Variants in TBPL1 observed in about 807,000 individuals in gnomAD.
TBPL1 encodes the protein TATA-box binding protein like 1.
Under a neutral mutation model 22.1 loss-of-function variants are expected in TBPL1, and 4 were observed. That is an observed-to-expected ratio of 0.18 (90% confidence interval 0.09 to 0.41). The LOEUF is 0.41. TBPL1 is among the 10% of genes least tolerant of loss of function. The probability of loss-of-function intolerance (pLI) is 1.00; values close to 1 mark genes in which losing one functional copy is unlikely to be tolerated. For synonymous variants in TBPL1, 64 were observed against 71.0 expected, an observed-to-expected ratio of 0.90 and a Z score of 0.50; for missense variants, 115 against 222.3, an observed-to-expected ratio of 0.52 and a Z score of 3.07.
intron 1 of TBPL1, among the ~76,000 whole-genome samples, chr6:133,978,695 G>C (rs1379417033): frequency 6.6e-6 from 1 of 152,176 alleles, no homozygotes; most frequent in African/African-American, 2.4e-5. Context: ...TTGATACACA[G>C]AATTGAATGC....
intron 1 of TBPL1, among the ~76,000 whole-genome samples, chr6:133,979,054 A>G (rs532971555): frequency 1.3e-4 from 20 of 152,322 alleles, no homozygotes; most frequent in African/African-American, 4.1e-4. Flanking sequence ...GTTTGTTTGT[A>G]TAAATCATAG....
chr6:133,965,906 T>G (rs1240826956), intron 1 of TBPL1, among the ~76,000 whole-genome samples: 1 of 152,210 alleles, frequency 6.6e-6, no homozygotes, highest in African/African-American at 2.4e-5. Context: ...TTATATGAAA[T>G]TTAATTTTCA....
chr6:133,971,145 A>G (rs1468016053), intron 1 of TBPL1, among the ~76,000 whole-genome samples: 1 of 147,230 alleles, frequency 6.8e-6, no homozygotes. Context: ...CGATGATAAC[A>G]CTTTTTTTTT....
chr6:133,968,607 A>AACT (rs1776163766), intron 1 of TBPL1, among the ~76,000 whole-genome samples: 1 of 152,228 alleles, frequency 6.6e-6, no homozygotes, highest in Admixed American at 6.5e-5. Context: ...AGCAGTTCAG[A>AACT]ACTAGTCCAC....
intron 2 of TBPL1, among the ~76,000 whole-genome samples, chr6:133,980,505 T>C (rs1776390056): frequency 6.6e-6 from 1 of 152,254 alleles, no homozygotes; most frequent in South Asian, 2.1e-4. Context: ...TTTATTGCTC[T>C]CTCAATTTAT....
chr6:133,989,342 G>A lies in TBPL1; in HGVS notation c.*2302G>A, dbSNP rs1285912630. The A allele has an allele frequency of 6.6e-6, 1 of 152,050 alleles. No individual in the cohort carries two copies. Among genetic ancestry groups the A allele is most frequent in the African/African-American group, 2.4e-5 (1 of 41,400 alleles). 9.4% of individuals were successfully genotyped at this position (152,050 alleles called of 1,614,324 possible). A position where few individuals can be genotyped will look rare whatever the true frequency, so the allele number is the denominator to read the frequency against. On this transcript the variant is annotated 3_prime_UTR_variant, in exon 7 of 7. Coordinates refer to ENST00000237264, the MANE Select transcript of TBPL1 (RefSeq NM_004865.4). Reference sequence around the variant, plus strand: ...CAAAATTGTTTAGTTACAGACTCAGGATAATAAAAGAAAAATATAAAAGAA... The same window carrying A: ...CAAAATTGTTTAGTTACAGACTCAGAATAATAAAAGAAAAATATAAAAGAA...
At chr6:133,964,555 A>G (rs935425495) in intron 1 of TBPL1, among the ~76,000 whole-genome samples, 1 of 149,570 alleles carries the variant, frequency 6.7e-6, no homozygotes, top group Non-Finnish European at 1.5e-5. Context: ...GGTTCACGCC[A>G]TTCTCCTGCC....
At chr6:133,981,828 G>A (rs532579324) in intron 2 of TBPL1, among the ~76,000 whole-genome samples, 1 of 152,326 alleles carries the variant, frequency 6.6e-6, no homozygotes, top group East Asian at 1.9e-4. Flanking sequence ...AAGTTGGAAT[G>A]AAAATTTAAA....
chr6:133,982,872 G>C lies in TBPL1; in HGVS notation c.274G>C (p.Gly92Arg). The change falls in exon 4 of 7, where the codon GGT becomes CGT. Residue 92 changes from glycine (G) to arginine (R), a missense_variant. By Grantham distance (125) the Gly-to-Arg change is moderately radical. Coordinates refer to ENST00000237264, the MANE Select transcript of TBPL1 (RefSeq NM_004865.4). Reference sequence around the variant, plus strand: ...CTTAGCCCGTAGTCTGCAGAAACTAGGTTTTCAGGTAACGTTTTCAAATAG... The same window carrying C: ...CTTAGCCCGTAGTCTGCAGAAACTACGTTTTCAGGTAACGTTTTCAAATAG... ...RRLARSLQKL[G>R]FQVIFTDFKV... The C allele has an allele frequency of 6.2e-7, 1 of 1,606,626 alleles. No individual in the cohort carries two copies.
chr6:133,963,758 C>T (rs867285177), intron 1 of TBPL1, among the ~76,000 whole-genome samples: 6 of 150,836 alleles, frequency 4.0e-5, no homozygotes, highest in Admixed American at 1.3e-4. Flanking sequence ...CGGCCTGGCG[C>T]GGTGGCTCAC....
At chr6:133,969,855 CAG>C (rs1386660380) in intron 1 of TBPL1, among the ~76,000 whole-genome samples, 1 of 152,192 alleles carries the variant, frequency 6.6e-6, no homozygotes, top group Non-Finnish European at 1.5e-5. Flanking sequence ...TCTAAACTAA[CAG>C]AATAATTCTA....
At chr6:133,981,891 G>C (rs1215857282) in intron 2 of TBPL1, among the ~76,000 whole-genome samples, 1 of 152,308 alleles carries the variant, frequency 6.6e-6, no homozygotes, top group African/African-American at 2.4e-5. Flanking sequence ...ACACTCTGTA[G>C]TTATTTCATT....
intron 1 of TBPL1, among the ~76,000 whole-genome samples, chr6:133,966,203 A>G (rs191269004): frequency 1.1e-4 from 16 of 152,280 alleles, no homozygotes; most frequent in Admixed American, 9.2e-4. Context: ...TTGAATGTGT[A>G]TGGCGCATTG....
chr6:133,953,081 G>A (rs931651418), upstream of TBPL1: 3 of 151,800 alleles, frequency 2.0e-5, no homozygotes, highest in African/African-American at 4.8e-5. Flanking sequence ...GACGGGGAAA[G>A]TGACGGGAGC....
At position 133,984,464 on chromosome 6, in the gene TBPL1, A is replaced by G; in HGVS notation, c.371A>G (p.Asn124Ser). The part of the protein sequence containing the change: ...EIRLPEFTKN[N>S]RPHASYEPEL... Reference sequence around the variant, plus strand: ...CGTTTGCCAGAATTCACAAAGAACAATAGACCTCATGCCAGGTAAGTCTTT... The same window carrying G: ...CGTTTGCCAGAATTCACAAAGAACAGTAGACCTCATGCCAGGTAAGTCTTT... The change falls in exon 5 of 7, where the codon AAT becomes AGT. Residue 124 changes from asparagine (N) to serine (S), a missense_variant. Asn to Ser is a conservative substitution (Grantham distance 46, BLOSUM62 1). Coordinates refer to ENST00000237264, the MANE Select transcript of TBPL1 (RefSeq NM_004865.4). 1 of 1,613,814 alleles carries G rather than the reference A, an allele frequency of 6.2e-7. No individual in the cohort carries two copies. Among genetic ancestry groups the G allele is most frequent in the Non-Finnish European group, 8.5e-7 (1 of 1,179,854 alleles).
At chr6:133,975,814 G>A (rs1776303210) in intron 1 of TBPL1, among the ~76,000 whole-genome samples, 1 of 152,174 alleles carries the variant, frequency 6.6e-6, no homozygotes, top group South Asian at 2.1e-4. Context: ...TGATTTGGAA[G>A]AACAGCATGG....
chr6:133,966,534 G>A (rs202131708), intron 1 of TBPL1, among the ~76,000 whole-genome samples: 2 of 152,102 alleles, frequency 1.3e-5, no homozygotes, highest in East Asian at 3.8e-4. Flanking sequence ...CCTGAGCAAT[G>A]GACTTTTAGC....
At chr6:133,975,025 T>G (rs1158737582) in intron 1 of TBPL1, among the ~76,000 whole-genome samples, 1 of 152,192 alleles carries the variant, frequency 6.6e-6, no homozygotes, top group Non-Finnish European at 1.5e-5. Context: ...GTATTAAGTA[T>G]TCAACTTAAA....
intron 1 of TBPL1, among the ~76,000 whole-genome samples, chr6:133,979,696 G>A (rs1200722501): frequency 6.6e-6 from 1 of 152,152 alleles, no homozygotes; most frequent in African/African-American, 2.4e-5. Context: ...TCACAGGCTG[G>A]AATGCAGTGG....
Sources: allele counts gnomAD v4.1 joint callset (sites outside exome capture counted in the v4.1 genomes callset), GRCh38; gene constraint gnomAD v4.1.1; transcripts MANE v1.5; gene names NCBI Gene and HGNC (gene_info 2026-07-23, HGNC 2026-07-21).